The following IQGAP2 variants were observed in gnomAD, a reference collection of about 807,000 sequenced individuals.
The protein encoded by IQGAP2 is ras GTPase-activating-like protein IQGAP2.
In IQGAP2, 173 loss-of-function variants were observed where a neutral mutation model predicts 201.3. The ratio of observed to expected loss-of-function variants is 0.86; its 90% confidence interval spans 0.76 to 0.98. The LOEUF (loss-of-function observed/expected upper bound fraction) is 0.98. IQGAP2 is among the 50% of genes least tolerant of loss of function. The pLI is 0.00. For synonymous variants in IQGAP2, 675 were observed against 673.9 expected, an observed-to-expected ratio of 1.00 and a Z score of -0.03; for missense variants, 1,687 against 1,864.8, an observed-to-expected ratio of 0.90 and a Z score of 1.76.
At chr5:76,512,412 G>A (rs1436509704) in intron 2 of IQGAP2, among the ~76,000 whole-genome samples, 3 of 152,176 alleles carry the variant, frequency 2.0e-5, no homozygotes, top group Admixed American at 1.3e-4. Context: ...GTTTACACGT[G>A]CTAACCTTTC....
At position 76,708,050 on chromosome 5, in the gene IQGAP2, TAAAAAATCAG is replaced by T. The variant is rs1430208523; in HGVS notation, c.*738_*747del. The T allele has an allele frequency of 6.6e-6, 1 of 152,648 alleles. No individual in the cohort carries two copies. Among genetic ancestry groups the T allele is most frequent in the Non-Finnish European group, 1.5e-5 (1 of 68,038 alleles). The allele number at this position is 152,648 out of a possible 1,614,324, so 9.5% of individuals were successfully genotyped here. Reference sequence around the variant, plus strand: ...TGTGCCTCTCAATTTTTTGTAATGCTAAAAAATCAGTATCTAGATGGTTTTTAAATGTATT... The same window carrying T: ...TGTGCCTCTCAATTTTTTGTAATGCTTATCTAGATGGTTTTTAAATGTATT... On this transcript the variant is annotated 3_prime_UTR_variant, in exon 36 of 36. Transcript: ENST00000274364.
intron 1 of IQGAP2, among the ~76,000 whole-genome samples, chr5:76,406,259 T>C (rs1750792925): frequency 1.3e-5 from 2 of 152,224 alleles, no homozygotes; most frequent in South Asian, 4.1e-4. Context: ...TTCTGACAGA[T>C]GCAAGATTGC....
chr5:76,525,821 A>G (rs1388331167), intron 2 of IQGAP2, among the ~76,000 whole-genome samples: 2 of 152,226 alleles, frequency 1.3e-5, no homozygotes, highest in Admixed American at 6.5e-5. Context: ...GTGGGACCTA[A>G]TGACTTCTAT....
intron 3 of IQGAP2, among the ~76,000 whole-genome samples, chr5:76,567,221 G>T (rs1349309780): frequency 6.6e-6 from 1 of 152,172 alleles, no homozygotes; most frequent in Non-Finnish European, 1.5e-5. Context: ...TGGGAATACA[G>T]ATTGAATATC....
intron 2 of IQGAP2, among the ~76,000 whole-genome samples, chr5:76,539,084 A>G (rs1392203716): frequency 6.6e-6 from 1 of 152,166 alleles, no homozygotes; most frequent in Non-Finnish European, 1.5e-5. Flanking sequence ...TTCATGCCCC[A>G]TCAGGCTTCA....
At chr5:76,589,049 C>T (rs1403568941) in intron 6 of IQGAP2, 76 bp downstream of exon 6, 5 of 980,022 alleles carry the variant, frequency 5.1e-6, no homozygotes, top group East Asian at 5.5e-5. Flanking sequence ...CGTGGTGGCT[C>T]ATGCCTGTAA....
At chr5:76,632,752 G>C (rs12513912) in intron 15 of IQGAP2, among the ~76,000 whole-genome samples, 7,818 of 151,938 alleles carry the variant, frequency 0.051, 300 homozygotes, top group East Asian at 0.17. Context: ...GTCATCTACA[G>C]GATACTATTC....
At chr5:76,519,976 G>A (rs1758565824) in intron 2 of IQGAP2, among the ~76,000 whole-genome samples, 1 of 151,782 alleles carries the variant, frequency 6.6e-6, no homozygotes, top group Non-Finnish European at 1.5e-5. Context: ...TTCTTTTAGT[G>A]TGTAGCTTGT....
intron 30 of IQGAP2, among the ~76,000 whole-genome samples, chr5:76,685,532 A>G (rs1296952317): frequency 6.6e-6 from 1 of 152,206 alleles, no homozygotes; most frequent in East Asian, 1.9e-4. Flanking sequence ...ATTCCTGAAC[A>G]TGAGTCTGCA....
chr5:76,601,364 C>T (rs1244068133), intron 11 of IQGAP2, among the ~76,000 whole-genome samples: 2 of 152,118 alleles, frequency 1.3e-5, no homozygotes, highest in African/African-American at 2.4e-5. Flanking sequence ...AAACAGAATC[C>T]GGGTTATGGA....
At chr5:76,564,445 A>G (rs774944261) in intron 3 of IQGAP2, among the ~76,000 whole-genome samples, 1 of 152,208 alleles carries the variant, frequency 6.6e-6, no homozygotes, top group Non-Finnish European at 1.5e-5. Flanking sequence ...AACTGTGAGA[A>G]TCAGGCTGGG....
At chr5:76,649,905 TCTATGCACCCA>T (rs1752377950) in intron 17 of IQGAP2, among the ~76,000 whole-genome samples, 1 of 152,328 alleles carries the variant, frequency 6.6e-6, no homozygotes, top group East Asian at 1.9e-4. Context: ...ACTTTTGCAT[TCTATGCACCCA>T]CAGGCTTAAC....
intron 17 of IQGAP2, among the ~76,000 whole-genome samples, chr5:76,641,742 G>C (rs565873727): frequency 6.6e-6 from 1 of 152,110 alleles, no homozygotes; most frequent in African/African-American, 2.4e-5. Flanking sequence ...TTTGTGAAAG[G>C]CTGTGAGTTT....
chr5:76,559,867 A>T (rs1384155286), intron 2 of IQGAP2, among the ~76,000 whole-genome samples: 1 of 151,930 alleles, frequency 6.6e-6, no homozygotes, highest in African/African-American at 2.4e-5. Flanking sequence ...TGGGGGTTTG[A>T]GTGTATCCTC....
chr5:76,498,232 T>C (rs1171520354), intron 2 of IQGAP2, among the ~76,000 whole-genome samples: 1 of 152,188 alleles, frequency 6.6e-6, no homozygotes, highest in Non-Finnish European at 1.5e-5. Flanking sequence ...GAATGCAGGG[T>C]TGAATAAACA....
intron 13 of IQGAP2, among the ~76,000 whole-genome samples, chr5:76,627,104 G>A (rs549581930): frequency 4.6e-5 from 7 of 152,128 alleles, no homozygotes; most frequent in Non-Finnish European, 7.4e-5. Flanking sequence ...GATCCTCTGG[G>A]CCCTCTGTAG....
chr5:76,543,591 C>A (rs979347915), intron 2 of IQGAP2, among the ~76,000 whole-genome samples: 2 of 152,238 alleles, frequency 1.3e-5, no homozygotes, highest in Non-Finnish European at 2.9e-5. Flanking sequence ...GTCAGGGAAA[C>A]CTGTGGTGCA....
rs146017798 is a variant in IQGAP2 at position 76,704,777 on chromosome 5, A to G, written c.4614+2187A>G. On this transcript the variant is annotated intron_variant, in intron 35 of 35. Transcript: ENST00000274364. ...CTGTCAGATGTAAAGGCAGACTTCTATTTATATATGCAGCTTTCAGTCAAT... is the reference window on the plus strand; with the variant it reads ...CTGTCAGATGTAAAGGCAGACTTCTGTTTATATATGCAGCTTTCAGTCAAT... Among the ~76,000 whole-genome samples the G allele has an allele frequency of 3.7e-4, 57 of 152,322 alleles. 1 individual carries two copies. The East Asian group carries it at 7.7e-3, about 21-fold the overall frequency.
chr5:76,663,743 G>A (rs1479753023), intron 21 of IQGAP2, among the ~76,000 whole-genome samples: 1 of 151,736 alleles, frequency 6.6e-6, no homozygotes, highest in Admixed American at 6.6e-5. Flanking sequence ...CTGTTGCCCA[G>A]GTTGATCTCA....
Sources: gnomAD v4.1 joint callset for allele counts (sites outside exome capture counted in the v4.1 genomes callset) on GRCh38, gnomAD v4.1.1 for gene constraint, MANE v1.5 for transcripts, NCBI Gene and HGNC (gene_info 2026-07-23, HGNC 2026-07-21) for gene names.